AMOTL1: variants seen among roughly 807,000 people sequenced by gnomAD.
The protein encoded by AMOTL1 is angiomotin-like protein 1.
AMOTL1 carries 45 observed loss-of-function variants against 102.9 expected under a neutral mutation model. The ratio of observed to expected loss-of-function variants is 0.44; its 90% confidence interval spans 0.34 to 0.56. The LOEUF (loss-of-function observed/expected upper bound fraction) is 0.56. AMOTL1 is among the 20% of genes least tolerant of loss of function. AMOTL1 has a pLI of 0.01. For missense variants in AMOTL1, 1,114 were observed against 1,225.6 expected (o/e 0.91, Z 1.36); for synonymous variants, 481 against 484.7 (o/e 0.99, Z 0.10).
intron 1 of AMOTL1, chr11:94,706,666 C>G (rs1949934509): frequency 1.3e-5 from 2 of 152,182 alleles, no homozygotes; most frequent in Admixed American, 1.3e-4. Context: ...TTTTGGAAGG[C>G]ATCTATGGGC....
At chr11:94,815,805 T>G (rs576677840) in intron 3 of AMOTL1, among the ~76,000 whole-genome samples, 134 of 152,180 alleles carry the variant, frequency 8.8e-4, no homozygotes, top group African/African-American at 3.2e-3. Context: ...GAAAGAATCT[T>G]GTATGGTAAA....
intron 1 of AMOTL1, among the ~76,000 whole-genome samples, chr11:94,789,706 C>G (rs906159161): frequency 6.6e-6 from 1 of 152,144 alleles, no homozygotes; most frequent in Non-Finnish European, 1.5e-5. Context: ...AGAAAAACCT[C>G]GAGTTCTGCC....
chr11:94,836,068 T>C (rs1565373995), intron 6 of AMOTL1, among the ~76,000 whole-genome samples: 1 of 152,226 alleles, frequency 6.6e-6, no homozygotes, highest in Non-Finnish European at 1.5e-5. Context: ...TAAAGGAGAC[T>C]AAAATCATTT....
chr11:94,834,348 G>A lies in AMOTL1; in HGVS notation c.1648+2807G>A, dbSNP rs536007200. On this transcript the variant is annotated intron_variant, in intron 6 of 12. Coordinates refer to ENST00000433060, the MANE Select transcript of AMOTL1 (RefSeq NM_130847.3). ...CACGCCTGTAATCCCAGCACTTTGG[G>A]AGGCCGAGGCAGGTGGATCACGAGG... Among the ~76,000 whole-genome samples, 4 of 152,292 alleles carry A rather than the reference G, an allele frequency of 2.6e-5. No individual in the cohort carries two copies. The East Asian group carries it at 7.7e-4, about 30-fold the overall frequency.
intron 1 of AMOTL1, among the ~76,000 whole-genome samples, chr11:94,722,785 A>G (rs1950194191): frequency 6.6e-6 from 1 of 152,148 alleles, no homozygotes; most frequent in Admixed American, 6.5e-5. Context: ...CACTGCTTTG[A>G]TGATTCTCCA....
intron 9 of AMOTL1, 150 bp downstream of exon 9, chr11:94,859,865 G>A (rs1952740550): frequency 6.1e-6 from 5 of 814,608 alleles, no homozygotes; most frequent in East Asian, 2.8e-5. Flanking sequence ...TAGTTGGAGA[G>A]CAAAGTGGTA....
At chr11:94,763,286 C>T (rs1478228393) in intron 3 of AMOTL1, among the ~76,000 whole-genome samples, 4 of 149,724 alleles carry the variant, frequency 2.7e-5, no homozygotes, top group East Asian at 1.9e-4. Context: ...CCTCTCCTTA[C>T]GACAATGTAC....
rs1351480017 is a variant in AMOTL1 at position 94,850,399 on chromosome 11, T to C, written c.1794+140T>C. ...ACAGGGGAGGGATATGGGAAACTTC[T>C]CAAATAAAAGTGAATAAAAACAGAG... On this transcript the variant is annotated intron_variant, in intron 7 of 12. Coordinates refer to ENST00000433060, the MANE Select transcript of AMOTL1 (RefSeq NM_130847.3). 7 of 1,200,886 alleles carry C rather than the reference T, an allele frequency of 5.8e-6. No homozygotes were observed. In the African/African-American group the frequency reaches 1.1e-4, roughly 19 times the overall value. The allele number at this position is 1,200,886 out of a possible 1,614,324, so 74.4% of individuals were successfully genotyped here.
intron 9 of AMOTL1, among the ~76,000 whole-genome samples, chr11:94,863,251 C>T (rs1472213494): frequency 6.6e-6 from 1 of 150,470 alleles, no homozygotes; most frequent in African/African-American, 2.5e-5. Flanking sequence ...TTAAAGGGGC[C>T]TCTATTTTTC....
intron 2 of AMOTL1, among the ~76,000 whole-genome samples, chr11:94,738,730 A>T (rs532366258): frequency 6.6e-6 from 1 of 152,238 alleles, no homozygotes; most frequent in South Asian, 2.1e-4. Flanking sequence ...ACTAAAGTCC[A>T]TAAGGAAGGA....
rs1953083035 is a variant in AMOTL1 at position 94,875,698 on chromosome 11, G to A, written c.*4903G>A. On this transcript the variant is annotated 3_prime_UTR_variant, in exon 13 of 13. Transcript: ENST00000433060. ...TAGCACAGTTGGATGAAAAAAGATG[G>A]CAATTAAGGTAAGTTACACCATTTT... The A allele has an allele frequency of 6.6e-6, 1 of 152,114 alleles. No homozygotes were observed. The highest frequency in any genetic ancestry group is 1.5e-5 in the Non-Finnish European group (1 of 68,022). 9.4% of individuals were successfully genotyped at this position (152,114 alleles called of 1,614,324 possible). A position where few individuals can be genotyped will look rare whatever the true frequency, so the allele number is the denominator to read the frequency against.
At chr11:94,835,846 A>G (rs1952168454) in intron 6 of AMOTL1, among the ~76,000 whole-genome samples, 1 of 152,242 alleles carries the variant, frequency 6.6e-6, no homozygotes, top group South Asian at 2.1e-4. Flanking sequence ...AAAACAACAT[A>G]TTGATGAGTC....
In AMOTL1 at chr11:94,799,855, G is replaced by A. The variant is rs1951438814; in HGVS notation, c.665G>A (p.Gly222Glu). The change falls in exon 3 of 13, where the codon GGG becomes GAG. Residue 222 changes from glycine to glutamate, a missense_variant. Gly to Glu is a moderately conservative substitution (Grantham distance 98). Transcript: ENST00000433060. The surrounding 1 kb of genome is among the most constrained non-coding windows in gnomAD (Gnocchi z 4.5). Reference sequence around the variant, plus strand: ...GTGGGCCATGGTTACTACATGGCAGGGGGCACCAGTCAGAAGTCCCGAACT... The same window carrying A: ...GTGGGCCATGGTTACTACATGGCAGAGGGCACCAGTCAGAAGTCCCGAACT... ...GAVGHGYYMAGGTSQKSRTEG... is the reference protein window; with the variant it reads ...GAVGHGYYMAEGTSQKSRTEG... 1.3e-6 allele frequency: 2 copies of A among 1,591,280 alleles called. No individual in the cohort carries two copies. Among genetic ancestry groups the A allele is most frequent in the Non-Finnish European group, 1.7e-6 (2 of 1,168,446 alleles).
In AMOTL1 at chr11:94,869,290, ACGGC is replaced by A; in HGVS notation, c.2582_2585del (p.Thr861LysfsTer38). On this transcript the variant is annotated frameshift_variant, in exon 12 of 13. Transcript: ENST00000433060. LOFTEE classifies it high-confidence loss of function. The stretch of plus-strand genomic sequence containing the variant: ...AGCACTGTCCTCCATAGCCTCCACT[ACGGC>A]AGCCAGCAGTGCCCACGCCAAGACA... 3 of 1,612,750 alleles carry A rather than the reference ACGGC, an allele frequency of 1.9e-6. No homozygotes were observed. Among genetic ancestry groups the A allele is most frequent in the Non-Finnish European group, 2.5e-6 (3 of 1,179,520 alleles).
At chr11:94,860,567 C>T (rs966221671) in intron 9 of AMOTL1, among the ~76,000 whole-genome samples, 3 of 152,184 alleles carry the variant, frequency 2.0e-5, no homozygotes, top group South Asian at 4.1e-4. Context: ...CATGCAAAGT[C>T]GCTGCACACA....
intron 1 of AMOTL1, among the ~76,000 whole-genome samples, chr11:94,708,521 C>G (rs1430657400): frequency 6.6e-6 from 1 of 152,190 alleles, no homozygotes; most frequent in Non-Finnish European, 1.5e-5. Flanking sequence ...GGAAACAATA[C>G]CTGCTTCATT....
intron 1 of AMOTL1, among the ~76,000 whole-genome samples, chr11:94,790,551 G>A (rs927016771): frequency 1.3e-5 from 2 of 152,126 alleles, no homozygotes; most frequent in Non-Finnish European, 2.9e-5. Context: ...TGGAGAATGA[G>A]GATGACATGT....
rs531179691 is a variant in AMOTL1, at chr11:94,779,694, A to G, written c.49+11134A>G. On this transcript the variant is annotated intron_variant, in intron 1 of 12. Transcript: ENST00000433060. ...CACAGAATAGGACAGAATCTCCAGA[A>G]ATGTTATATTATGTTCTGGTCACAT... Among the ~76,000 whole-genome samples, 7 of 152,312 alleles carry G rather than the reference A, an allele frequency of 4.6e-5. No individual in the cohort carries two copies. The South Asian group carries it at 1.5e-3, about 32-fold the overall frequency.
At chr11:94,788,116 C>T (rs1384597916) in intron 1 of AMOTL1, among the ~76,000 whole-genome samples, 1 of 152,166 alleles carries the variant, frequency 6.6e-6, no homozygotes, top group Non-Finnish European at 1.5e-5. Context: ...GTTCTAACTG[C>T]TGGAACAGGG....
Sources: allele counts gnomAD v4.1 joint callset (sites outside exome capture counted in the v4.1 genomes callset), GRCh38; gene constraint gnomAD v4.1.1; non-coding constraint Gnocchi (gnomAD v3.1); transcripts MANE v1.5; gene names NCBI Gene and HGNC (gene_info 2026-07-23, HGNC 2026-07-21).